The following SEC14L6 variants were observed in gnomAD, a reference collection of about 807,000 sequenced individuals.
The protein encoded by SEC14L6 is SEC14-like protein 6.
SEC14L6 carries 40 observed loss-of-function variants against 54.1 expected under a neutral mutation model. That is an observed-to-expected ratio of 0.74 (90% confidence interval 0.57 to 0.96). The LOEUF (loss-of-function observed/expected upper bound fraction) is 0.96, where lower values mean the gene tolerates loss of function less well. SEC14L6 is among the 40% of genes least tolerant of loss of function. SEC14L6 has a pLI of 0.00. For missense variants in SEC14L6, 471 were observed against 498.3 expected (o/e 0.95, Z 0.52); for synonymous variants, 171 against 198.4 (o/e 0.86, Z 1.16).
chr22:30,527,188 G>A (rs899688461), intron 8 of SEC14L6, among the ~76,000 whole-genome samples: 4 of 151,358 alleles, frequency 2.6e-5, no homozygotes, highest in African/African-American at 7.3e-5. Flanking sequence ...ATGGACTTAC[G>A]TGATCCTCCC....
At chr22:30,525,162 T>C in intron 11 of SEC14L6, 53 bp from the exon 12 acceptor site, 6 of 1,292,376 alleles carry the variant, frequency 4.6e-6, no homozygotes, top group Non-Finnish European at 6.6e-6. Flanking sequence ...GACTCTGACT[T>C]CCATGGTGGT....
Position 30,525,100 on chromosome 22 carries a change from C to A in SEC14L6, c.1091G>T (p.Arg364Met), listed in dbSNP as rs1385120577. 1 of 1,536,664 alleles carries A rather than the reference C, an allele frequency of 6.5e-7. No homozygotes were observed. The highest frequency in any genetic ancestry group is 1.4e-5 in the African/African-American group (1 of 72,726). ...AACCAGGCTGTAGGTGTTGTAAAAC[C>A]TCAGGACATCTGCAGTGAGGGACAG... ...TCLQAGSYVL[R>M]FYNTYSLVHS... is the part of the protein sequence containing the mutation. The change falls in exon 12 of 12, where the codon AGG (arginine) becomes ATG (methionine). Residue 364 changes from arginine to methionine, a missense_variant. By Grantham distance (91) the Arg-to-Met change is moderately conservative (BLOSUM62 -1). Transcript: ENST00000402034.
At chr22:30,528,955 C>T in intron 8 of SEC14L6, 132 bp downstream of exon 8, 1 of 756,742 alleles carries the variant, frequency 1.3e-6, no homozygotes, top group Non-Finnish European at 2.2e-6. Flanking sequence ...CCTGGCAGCC[C>T]ACCAGGCAGT....
rs1367064598 is a variant in SEC14L6, at chr22:30,538,807, G to A, written c.130+20C>T. 1.3e-6 allele frequency: 2 copies of A among 1,531,272 alleles called. No individual in the cohort carries two copies. The highest frequency in any genetic ancestry group is 1.2e-5 in the South Asian group (1 of 83,580). 94.9% of individuals were successfully genotyped at this position (1,531,272 alleles called of 1,614,324 possible). On this transcript the variant is annotated intron_variant, in intron 2 of 11. Transcript: ENST00000402034. ...CTTTCATGCCATTGACCCTACCCCA[G>A]CCCCACGCTCTATCCTTACCTTGGA...
rs912969440 is a variant in SEC14L6 at position 30,525,624 on chromosome 22, C to T, written c.898G>A (p.Gly300Ser). Residue 300 changes from glycine to serine, a missense_variant, in exon 10 of 12, where the codon GGC (glycine) becomes AGC (serine). Transcript: ENST00000402034. ...TGCCATCCCTACCTGAGCACACAGC[C>T]CGGGAACAGGATCTCGTTCTCCACC... ...LQVENEILFP[G>S]CVLRWQFASD... The T allele has an allele frequency of 1.9e-6, 3 of 1,608,888 alleles. No individual in the cohort carries two copies. Among genetic ancestry groups the T allele is most frequent in the Admixed American group, 1.7e-5 (1 of 59,092 alleles).
Position 30,538,833 on chromosome 22 carries a change from G to T in SEC14L6, c.124C>A (p.Leu42Ile). 1.3e-6 allele frequency: 2 copies of T among 1,556,648 alleles called. No homozygotes were observed. The highest frequency in any genetic ancestry group is 1.7e-6 in the Non-Finnish European group (2 of 1,149,236). Residue 42 changes from leucine to isoleucine, a missense_variant, in exon 2 of 12, where the codon CTC becomes ATC. Transcript: ENST00000402034. ...NPDDYFLLRW[L>I]QARSFDLQKS... ...CCCCACGCTCTATCCTTACCTTGGA[G>T]CCAGCGCAGGAGGAAGTAGTCATCA... is the stretch of plus-strand genomic sequence containing the variant.
chr22:30,531,495 C>T (rs1936971153), intron 6 of SEC14L6, among the ~76,000 whole-genome samples: 3 of 152,066 alleles, frequency 2.0e-5, no homozygotes, highest in African/African-American at 4.8e-5. Flanking sequence ...GAGGCCAAGG[C>T]GGGCAGATCA....
rs750315185 is a variant in SEC14L6, at chr22:30,525,922, C to A, written c.675G>T (p.Lys225Asn). ...RKVVILGDNW[K>N]QELTKFISPD... Reference sequence around the variant, plus strand: ...GGCTGATGAATTTTGTCAGCTCCTGCTTCCAGTTGTCTGCATGGGAGCAAG... The same window carrying A: ...GGCTGATGAATTTTGTCAGCTCCTGATTCCAGTTGTCTGCATGGGAGCAAG... Residue 225 changes from lysine (K) to asparagine (N), a missense_variant, in exon 9 of 12, where the codon AAG becomes AAT. Physicochemically the swap from Lys to Asn is moderately conservative, Grantham distance 94. Coordinates refer to ENST00000402034, the MANE Select transcript of SEC14L6 (RefSeq NM_001193336.4). The A allele has an allele frequency of 6.2e-7, 1 of 1,607,420 alleles. No individual in the cohort carries two copies. Among genetic ancestry groups the A allele is most frequent in the African/African-American group, 1.3e-5 (1 of 74,824 alleles).
chr22:30,529,629 A>G (rs7286807), intron 6 of SEC14L6, among the ~76,000 whole-genome samples: 27,218 of 152,040 alleles, frequency 0.18, 2,848 homozygotes, highest in Admixed American at 0.25. Context: ...TATTTTCTAG[A>G]GATGGGGTCT....
At chr22:30,539,626 T>A (rs1487003120) in intron 1 of SEC14L6, among the ~76,000 whole-genome samples, 4 of 152,236 alleles carry the variant, frequency 2.6e-5, no homozygotes, top group Non-Finnish European at 5.9e-5. Context: ...GCCAGTTGCC[T>A]GATTCTAGAA....
rs530533883 is a variant in SEC14L6 at position 30,529,204 on chromosome 22, G to A, written c.581-34C>T. On this transcript the variant is annotated intron_variant, in intron 7 of 11. Transcript: ENST00000402034. Reference sequence around the variant, plus strand: ...AGGCACAGAACTGCTCCCTCAGGCGGCTGGCTGGGGTCTCAGGTGCCCACC... The same window carrying A: ...AGGCACAGAACTGCTCCCTCAGGCGACTGGCTGGGGTCTCAGGTGCCCACC... The A allele has an allele frequency of 2.1e-4, 330 of 1,548,372 alleles. 1 individual carries two copies. The African/African-American group carries it at 3.9e-3, about 18-fold the overall frequency.
chr22:30,542,789 G>C (rs2085747893), intron 1 of SEC14L6: 1 of 1,593,904 alleles, frequency 6.3e-7, no homozygotes, highest in African/African-American at 1.3e-5. Flanking sequence ...AGAGGAGCTG[G>C]ACCAGGCCGG....
At chr22:30,543,857 C>T (rs1168703375) in intron 1 of SEC14L6, 4 of 1,521,466 alleles carry the variant, frequency 2.6e-6, no homozygotes, top group Middle Eastern at 1.7e-4. Context: ...ATCACATATG[C>T]GGACCTGAAC....
intron 5 of SEC14L6, chr22:30,532,268 C>T (rs1203567286): frequency 8.1e-6 from 8 of 985,350 alleles, no homozygotes. Flanking sequence ...CCCTCTCGTC[C>T]AATGAGGCTG....
chr22:30,545,140 C>T (rs767790892), intron 1 of SEC14L6, among the ~76,000 whole-genome samples: 1 of 152,090 alleles, frequency 6.6e-6, no homozygotes, highest in Non-Finnish European at 1.5e-5. Context: ...CGTGTGCGAC[C>T]ACGAAGGAAA....
chr22:30,542,519 C>T, intron 1 of SEC14L6: 2 of 903,526 alleles, frequency 2.2e-6, no homozygotes, highest in Non-Finnish European at 3.1e-6. Context: ...TCTGGGCAGC[C>T]CCGGCGGCGC....
chr22:30,535,888 T>G (rs78828467), intron 2 of SEC14L6, among the ~76,000 whole-genome samples: 1 of 9,278 alleles, frequency 1.1e-4, no homozygotes, highest in South Asian at 2.6e-3. Context: ...GTTTTTTGTG[T>G]TTTTTTTTTT....
Position 30,525,048 on chromosome 22 carries a change from C to T in SEC14L6, c.1143G>A (p.Val381=), listed in dbSNP as rs1601872976. The change falls in exon 12 of 12, where the codon GTG becomes GTA. Residue 381 remains valine (V), a synonymous_variant. Coordinates refer to ENST00000402034, the MANE Select transcript of SEC14L6 (RefSeq NM_001193336.4). ...AGGTTTGGTCTGGGAGCAGTACCTC[C>T]ACGGTGTAGCTGATGCGTTTAGAAT... ...LVHSKRISYT[V]EVLLPDQTFM... 6.5e-6 allele frequency: 10 copies of T among 1,550,090 alleles called. No individual in the cohort carries two copies. Among genetic ancestry groups the T allele is most frequent in the African/African-American group, 1.4e-5 (1 of 73,040 alleles).
chr22:30,542,931 C>T, intron 1 of SEC14L6: 3 of 1,601,370 alleles, frequency 1.9e-6, no homozygotes, highest in Non-Finnish European at 2.6e-6. Context: ...GCACCTACTA[C>T]TGTGTGAAGT....
Sources: allele counts gnomAD v4.1 joint callset (sites outside exome capture counted in the v4.1 genomes callset), GRCh38; gene constraint gnomAD v4.1.1; transcripts MANE v1.5; gene names NCBI Gene and HGNC (gene_info 2026-07-23, HGNC 2026-07-21).